The following STXBP5 variants were observed in gnomAD, a reference collection of about 807,000 sequenced individuals.
STXBP5 encodes the protein syntaxin-binding protein 5.
STXBP5 carries 50 observed loss-of-function variants against 152.4 expected under a neutral mutation model. The observed-to-expected ratio is 0.33, with a 90% CI of 0.26 to 0.42. The LOEUF (loss-of-function observed/expected upper bound fraction) is 0.42. Ranked by LOEUF, STXBP5 falls within the 10% of genes least tolerant of loss-of-function variation. The pLI, the probability that STXBP5 is intolerant of heterozygous loss-of-function variation, is 1.00. For synonymous variants in STXBP5, 492 were observed against 494.7 expected, an observed-to-expected ratio of 0.99 and a Z score of 0.07; for missense variants, 1,167 against 1,388.6, an observed-to-expected ratio of 0.84 and a Z score of 2.54.
At chr6:147,291,223 G>T (rs1334068013) in intron 9 of STXBP5, 51 bp downstream of exon 9, 2 of 1,403,416 alleles carry the variant, frequency 1.4e-6, no homozygotes, top group Non-Finnish European at 2.0e-6. Context: ...TCCTCAAATA[G>T]CATGGAAGGC....
At position 147,388,351 on chromosome 6, in the gene STXBP5, T is replaced by C. The variant is rs1466313235; in HGVS notation, c.*3596T>C. ...TAATCTGCTGTATGTTTCAGTGTTC[T>C]TGGTCTTAAATTATTGCAACACTTT... is the stretch of plus-strand genomic sequence containing the variant. On this transcript the variant is annotated 3_prime_UTR_variant, in exon 28 of 28. Coordinates refer to ENST00000321680, the MANE Select transcript of STXBP5 (RefSeq NM_001127715.4). The C allele has an allele frequency of 6.6e-6, 1 of 151,746 alleles. No homozygotes were observed. The highest frequency in any genetic ancestry group is 1.5e-5 in the Non-Finnish European group (1 of 67,736). 9.4% of individuals were successfully genotyped at this position (151,746 alleles called of 1,614,324 possible).
chr6:147,328,735 C>A (rs1157718516), intron 18 of STXBP5: 1 of 470,994 alleles, frequency 2.1e-6, no homozygotes. Flanking sequence ...TGCGGCCTTT[C>A]TAGCTTATAT....
At chr6:147,328,631 G>A in intron 18 of STXBP5, 1 of 436,784 alleles carries the variant, frequency 2.3e-6, no homozygotes. Flanking sequence ...AGAGATTGTT[G>A]TCCCAACCAT....
At chr6:147,271,016 T>C (rs1780137698) in intron 7 of STXBP5, among the ~76,000 whole-genome samples, 1 of 152,034 alleles carries the variant, frequency 6.6e-6, no homozygotes, top group Admixed American at 6.6e-5. Flanking sequence ...AGGAAATAAA[T>C]TGAGATTTTA....
chr6:147,324,333 C>T (rs1383278604), intron 16 of STXBP5, among the ~76,000 whole-genome samples: 6 of 118,658 alleles, frequency 5.1e-5, no homozygotes, highest in South Asian at 2.9e-4. Flanking sequence ...AGTACAATGG[C>T]GCGATCTCGG....
chr6:147,325,665 AAC>A (rs1783213544), intron 17 of STXBP5, among the ~76,000 whole-genome samples: 1 of 152,224 alleles, frequency 6.6e-6, no homozygotes, highest in Non-Finnish European at 1.5e-5. Context: ...TTCAGAAATC[AAC>A]ACTGCAGTGT....
chr6:147,215,838 G>GAT (rs1458617192), intron 2 of STXBP5, among the ~76,000 whole-genome samples: 4 of 151,796 alleles, frequency 2.6e-5, no homozygotes, highest in African/African-American at 7.3e-5. Flanking sequence ...ATCCTTTGAG[G>GAT]GTAGTTTAAT....
chr6:147,213,193 A>G (rs559621080), intron 2 of STXBP5, among the ~76,000 whole-genome samples: 13 of 152,268 alleles, frequency 8.5e-5, no homozygotes, highest in South Asian at 8.3e-4. Context: ...ACTAAAGATA[A>G]GCTTAATTGT....
At chr6:147,305,345 ATCT>A (rs1782035928) in intron 9 of STXBP5, among the ~76,000 whole-genome samples, 1 of 152,198 alleles carries the variant, frequency 6.6e-6, no homozygotes, top group East Asian at 1.9e-4. Flanking sequence ...CATCAAATTC[ATCT>A]TCTGATATTT....
At chr6:147,371,618 A>G (rs1785544740) in intron 25 of STXBP5, among the ~76,000 whole-genome samples, 2 of 152,150 alleles carry the variant, frequency 1.3e-5, no homozygotes. Flanking sequence ...AGTAAAAGGC[A>G]GAAATTGAGA....
chr6:147,227,057 G>A (rs1777754787), intron 2 of STXBP5, among the ~76,000 whole-genome samples: 1 of 152,166 alleles, frequency 6.6e-6, no homozygotes, highest in African/African-American at 2.4e-5. Flanking sequence ...ATGGGGAAGA[G>A]AGAGAGACTA....
rs140173608 is a variant in STXBP5 at position 147,363,643 on chromosome 6, G to A, written c.2854G>A (p.Ala952Thr). Residue 952 changes from alanine to threonine, a missense_variant, in exon 24 of 28, where the codon GCA becomes ACA. Ala to Thr is a moderately conservative substitution (Grantham distance 58). This residue lies in a region of STXBP5 where 833 missense variants were observed against 986.3 expected (regional missense o/e 0.84). Transcript: ENST00000321680. The stretch of plus-strand genomic sequence containing the variant: ...GTTTGTGCTTCGTGGAGATATTGTA[G>A]CATTGAGTAACAGTATCTGCCTTGC... ...TSFVLRGDIV[A>T]LSNSICLACF... 18 of 1,614,098 alleles carry A rather than the reference G, an allele frequency of 1.1e-5. No homozygotes were observed. In the African/African-American group the frequency reaches 2.1e-4, roughly 19 times the overall value.
intron 21 of STXBP5, among the ~76,000 whole-genome samples, chr6:147,343,727 G>C (rs1784192878): frequency 6.6e-6 from 1 of 152,110 alleles, no homozygotes; most frequent in South Asian, 2.1e-4. Flanking sequence ...TAGATCTGTT[G>C]CCATATGAAT....
At chr6:147,319,122 T>C (rs1208011939) in intron 16 of STXBP5, among the ~76,000 whole-genome samples, 2 of 151,594 alleles carry the variant, frequency 1.3e-5, no homozygotes, top group Non-Finnish European at 2.9e-5. Flanking sequence ...AACATTATTT[T>C]TAATAAGCAG....
At chr6:147,360,180 C>T (rs1335345081) in intron 23 of STXBP5, among the ~76,000 whole-genome samples, 1 of 152,036 alleles carries the variant, frequency 6.6e-6, no homozygotes, top group Non-Finnish European at 1.5e-5. Context: ...GAAATAGGAA[C>T]ACTTTTACAC....
intron 4 of STXBP5, among the ~76,000 whole-genome samples, chr6:147,250,803 CT>C (rs1355959038): frequency 6.6e-6 from 1 of 151,862 alleles, no homozygotes; most frequent in Non-Finnish European, 1.5e-5. Flanking sequence ...ATCTGTTCTT[CT>C]CCCTACTTTA....
chr6:147,322,845 G>A (rs543918589), intron 16 of STXBP5, among the ~76,000 whole-genome samples: 2 of 152,192 alleles, frequency 1.3e-5, no homozygotes, highest in East Asian at 3.9e-4. Context: ...AAGTATAGCA[G>A]GTATTGTTTC....
chr6:147,290,401 T>A (rs1284614598), intron 8 of STXBP5, among the ~76,000 whole-genome samples: 1 of 152,144 alleles, frequency 6.6e-6, no homozygotes, highest in Non-Finnish European at 1.5e-5. Flanking sequence ...ATTCCCAAGT[T>A]AGGTGATTTG....
chr6:147,222,918 C>G (rs1014087712), intron 2 of STXBP5, among the ~76,000 whole-genome samples: 1 of 152,188 alleles, frequency 6.6e-6, no homozygotes, highest in Non-Finnish European at 1.5e-5. Flanking sequence ...CTTCCTTACC[C>G]GGACACAGGT....
Sources: gnomAD v4.1 joint callset for allele counts (sites outside exome capture counted in the v4.1 genomes callset) on GRCh38, gnomAD v4.1.1 for gene constraint, gnomAD v4.1.1 regional missense constraint, MANE v1.5 for transcripts, NCBI Gene and HGNC (gene_info 2026-07-23, HGNC 2026-07-21) for gene names.